SPATA7: variants seen among roughly 807,000 people sequenced by gnomAD.
The protein encoded by SPATA7 is spermatogenesis-associated protein 7.
A neutral mutation model predicts 51.8 loss-of-function variants in SPATA7; 43 were observed. The observed-to-expected ratio is 0.83, with a 90% CI of 0.65 to 1.07. SPATA7 has a LOEUF of 1.07. SPATA7 is among the 50% of genes least tolerant of loss of function. The probability of loss-of-function intolerance (pLI) is 0.00; values close to 1 mark genes in which losing one functional copy is unlikely to be tolerated. For missense variants in SPATA7, 683 were observed against 701.3 expected, an observed-to-expected ratio of 0.97 and a Z score of 0.30; for synonymous variants, 230 against 252.8, an observed-to-expected ratio of 0.91 and a Z score of 0.86.
chr14:88,386,481 A>G (rs1402082311), intron 1 of SPATA7, among the ~76,000 whole-genome samples: 1 of 152,136 alleles, frequency 6.6e-6, no homozygotes, highest in Non-Finnish European at 1.5e-5. Context: ...TGCATTTATA[A>G]TAAATTCCAA....
chr14:88,468,813 G>A, intron 4 of SPATA7: 1 of 1,456,738 alleles, frequency 6.9e-7, no homozygotes. Flanking sequence ...GGCCACCACA[G>A]TCCAAGGAAA....
At chr14:88,449,549 T>C (rs1160822641) in intron 3 of SPATA7, among the ~76,000 whole-genome samples, 1 of 152,232 alleles carries the variant, frequency 6.6e-6, no homozygotes, top group Non-Finnish European at 1.5e-5. Flanking sequence ...ATATATACTC[T>C]GCAGTTTTTG....
chr14:88,414,617 A>G (rs1291671968), intron 4 of SPATA7: 2 of 376,066 alleles, frequency 5.3e-6, no homozygotes, highest in South Asian at 2.1e-5. Context: ...TTGTTATTCT[A>G]CTTCCTCTAG....
intron 2 of SPATA7, chr14:88,391,662 G>C (rs752117805): frequency 3.2e-6 from 2 of 626,928 alleles, no homozygotes; most frequent in South Asian, 1.5e-5. Flanking sequence ...CCTGGATGTG[G>C]ACTTGGCTGT....
chr14:88,426,348 A>G lies in SPATA7; in HGVS notation c.489A>G (p.Lys163=). 2 of 1,614,110 alleles carry G rather than the reference A, an allele frequency of 1.2e-6. No homozygotes were observed. Among genetic ancestry groups the G allele is most frequent in the Non-Finnish European group, 1.7e-6 (2 of 1,180,006 alleles). The change falls in exon 6 of 12, where the codon AAA becomes AAG. Residue 163 remains lysine, a synonymous_variant. Coordinates refer to ENST00000393545, the MANE Select transcript of SPATA7 (RefSeq NM_018418.5). ...SSERLHLSLH[K]SSKVITNGPE... is the part of the protein sequence containing the mutation. ...AGAGACTACACCTAAGTCTACATAAATCCAGTAAAGTCATCACAAATGGTC... is the reference window on the plus strand; with the variant it reads ...AGAGACTACACCTAAGTCTACATAAGTCCAGTAAAGTCATCACAAATGGTC...
rs771653426 is a variant in SPATA7 at position 88,469,045 on chromosome 14, G to A, written c.255-802G>A. Reference sequence around the variant, plus strand: ...GGGGATCACTTGTGCTATTTGTATGGCGTCGAACAGACTGGATCTCTTCAA... The same window carrying A: ...GGGGATCACTTGTGCTATTTGTATGACGTCGAACAGACTGGATCTCTTCAA... On this transcript the variant is annotated intron_variant, in intron 4 of 4. Transcript: ENST00000556406. This position sits in a 1 kb window ranked among gnomAD's most constrained non-coding sequence, Gnocchi z 4.3. 4 of 1,614,038 alleles carry A rather than the reference G, an allele frequency of 2.5e-6. No homozygotes were observed. Among genetic ancestry groups the A allele is most frequent in the Non-Finnish European group, 3.4e-6 (4 of 1,179,920 alleles).
At chr14:88,455,219 T>C (rs1436664106) in exon 4 of SPATA7, 3 of 410,348 alleles carry the variant, frequency 7.3e-6, no homozygotes, top group Non-Finnish European at 1.5e-5. Context: ...AGTGTATTAA[T>C]TGACCCACAA....
At chr14:88,412,928 G>C (rs1274560156) in intron 4 of SPATA7, among the ~76,000 whole-genome samples, 1 of 152,120 alleles carries the variant, frequency 6.6e-6, no homozygotes, top group Non-Finnish European at 1.5e-5. Context: ...AATTTTTATA[G>C]TTTTAGGTCT....
intron 4 of SPATA7, among the ~76,000 whole-genome samples, chr14:88,464,990 CCCT>C (rs1424572894): frequency 2.6e-5 from 4 of 152,176 alleles, no homozygotes; most frequent in African/African-American, 7.2e-5. Context: ...ACACTCTCCT[CCCT>C]CCTCCTCCTG....
At position 88,433,314 on chromosome 14, in the gene SPATA7, G is replaced by A; in HGVS notation, c.1160+102G>A. 5.0e-6 allele frequency: 4 copies of A among 799,050 alleles called. No individual in the cohort carries two copies. In the South Asian group the frequency reaches 5.1e-5, roughly 10 times the overall value. The allele number at this position is 799,050 out of a possible 1,614,324, so 49.5% of individuals were successfully genotyped here. A position where few individuals can be genotyped will look rare whatever the true frequency, so the allele number is the denominator to read the frequency against. On this transcript the variant is annotated intron_variant, in intron 10 of 11. Coordinates refer to ENST00000393545, the MANE Select transcript of SPATA7 (RefSeq NM_018418.5). ...ATTTTAAAGTTATTTTCCCATATTA[G>A]GAAATGAAAAAATATATTGCTTTCT...
At chr14:88,408,111 T>A (rs1306483602) in intron 4 of SPATA7, among the ~76,000 whole-genome samples, 1 of 152,216 alleles carries the variant, frequency 6.6e-6, no homozygotes, top group Non-Finnish European at 1.5e-5. Flanking sequence ...TGGTTCCATA[T>A]GAAATTTAAA....
intron 10 of SPATA7, among the ~76,000 whole-genome samples, chr14:88,437,073 CTT>C (rs771890040): frequency 1.7e-4 from 23 of 137,764 alleles, no homozygotes; most frequent in Admixed American, 2.2e-4. Context: ...AATATTTTTC[CTT>C]TTTTTTTTTT....
intron 4 of SPATA7, among the ~76,000 whole-genome samples, chr14:88,404,929 A>G (rs2076164708): frequency 6.6e-6 from 1 of 152,226 alleles, no homozygotes; most frequent in Admixed American, 6.5e-5. Context: ...TAGAGTTTAC[A>G]TTGTAGTTGG....
intron 4 of SPATA7, among the ~76,000 whole-genome samples, chr14:88,400,615 CT>C (rs1016690877): frequency 3.9e-5 from 6 of 152,142 alleles, no homozygotes; most frequent in Non-Finnish European, 8.8e-5. Flanking sequence ...AGGCAGATCA[CT>C]TGAGGTCAGG....
intron 4 of SPATA7, among the ~76,000 whole-genome samples, chr14:88,402,019 A>G (rs1163464146): frequency 1.3e-5 from 2 of 152,154 alleles, no homozygotes; most frequent in East Asian, 3.8e-4. Flanking sequence ...CTGTCTGAAA[A>G]GGAAATTAAG....
Position 88,385,734 on chromosome 14 carries a change from C to A in SPATA7, c.-85C>A. ...CCCCCGTCGGCTCCTCTTTTCCAGT[C>A]CTCCACTGCCGGGGCTGGGCCCGGC... On this transcript the variant is annotated 5_prime_UTR_variant, in exon 1 of 12. Transcript: ENST00000393545. 4 of 1,354,386 alleles carry A rather than the reference C, an allele frequency of 3.0e-6. No individual in the cohort carries two copies. The highest frequency in any genetic ancestry group is 4.2e-6 in the Non-Finnish European group (4 of 963,498). The allele number at this position is 1,354,386 out of a possible 1,614,324, so 83.9% of individuals were successfully genotyped here.
chr14:88,414,925 G>A (rs2076435400), intron 4 of SPATA7, among the ~76,000 whole-genome samples: 1 of 151,954 alleles, frequency 6.6e-6, no homozygotes, highest in Admixed American at 6.6e-5. Context: ...AATATGTTTG[G>A]CGTGGTTTCA....
intron 3 of SPATA7, among the ~76,000 whole-genome samples, chr14:88,451,065 C>T (rs534379899): frequency 2.4e-4 from 36 of 152,270 alleles, no homozygotes; most frequent in African/African-American, 7.7e-4. Flanking sequence ...TGGGAAGTTT[C>T]TTTCTTCCAT....
intron 3 of SPATA7, among the ~76,000 whole-genome samples, chr14:88,451,950 T>C (rs2077254429): frequency 6.6e-6 from 1 of 152,196 alleles, no homozygotes; most frequent in Non-Finnish European, 1.5e-5. Context: ...TTGGTTTGGA[T>C]CCACTGTTGG....
Sources: allele counts gnomAD v4.1 joint callset (sites outside exome capture counted in the v4.1 genomes callset), GRCh38; gene constraint gnomAD v4.1.1; non-coding constraint Gnocchi (gnomAD v3.1); transcripts MANE v1.5; gene names NCBI Gene and HGNC (gene_info 2026-07-23, HGNC 2026-07-21).